The following CFAP221 variants were observed in gnomAD, a reference collection of about 807,000 sequenced individuals.
CFAP221 encodes the protein cilia and flagella associated protein 221, also known as cilia- and flagella-associated protein 221.
Under a neutral mutation model 113.1 loss-of-function variants are expected in CFAP221, and 97 were observed. The observed-to-expected ratio is 0.86, with a 90% CI of 0.73 to 1.02. The LOEUF (loss-of-function observed/expected upper bound fraction) is 1.02, where lower values mean the gene tolerates loss of function less well. Among genes scored for constraint, CFAP221 ranks in the 50% least tolerant of loss-of-function variants. The pLI is 0.00. For synonymous variants in CFAP221, 331 were observed against 354.4 expected, an observed-to-expected ratio of 0.93 and a Z score of 0.74; for missense variants, 1,025 against 1,013.4, an observed-to-expected ratio of 1.01 and a Z score of -0.16.
Position 119,559,944 on chromosome 2 carries a change from C to T in CFAP221, c.344C>T (p.Pro115Leu). The T allele has an allele frequency of 6.5e-7, 1 of 1,535,838 alleles. No individual in the cohort carries two copies. Among genetic ancestry groups the T allele is most frequent in the South Asian group, 1.2e-5 (1 of 84,040 alleles). ...GTCTTCCAGGAACACCACCTGGTCC[C>T]TGGCTTGTCCCTCACGGTCACCGTT... ...NYVRKEHHLV[P>L]GLSLTVTVTF... The change falls in exon 5 of 24, where the codon CCT becomes CTT. Residue 115 changes from proline to leucine, a missense_variant. Coordinates refer to ENST00000413369, the MANE Select transcript of CFAP221 (RefSeq NM_001271049.2).
downstream of CFAP221, among the ~76,000 whole-genome samples, chr2:119,659,045 A>G (rs371351549): frequency 4.6e-5 from 7 of 151,304 alleles, no homozygotes; most frequent in East Asian, 1.2e-3. Context: ...GATGCTTCCA[A>G]TTCCAGTCCA....
At chr2:119,607,285 C>T (rs996660000) in intron 11 of CFAP221, among the ~76,000 whole-genome samples, 9 of 152,178 alleles carry the variant, frequency 5.9e-5, no homozygotes, top group Non-Finnish European at 7.3e-5. Context: ...AGTCCCCACA[C>T]CCGGCCCATA....
At chr2:119,626,134 A>C (rs1686295202) in intron 15 of CFAP221, among the ~76,000 whole-genome samples, 1 of 151,288 alleles carries the variant, frequency 6.6e-6, no homozygotes, top group Admixed American at 6.6e-5. Context: ...TCCCCACATG[A>C]CTCTAACCTC....
At chr2:119,607,657 A>G (rs537277948) in intron 11 of CFAP221, among the ~76,000 whole-genome samples, 1 of 152,236 alleles carries the variant, frequency 6.6e-6, no homozygotes, top group East Asian at 1.9e-4. Flanking sequence ...CCCATTATCA[A>G]TCACTCCCCA....
chr2:119,641,456 A>G (rs904238930), intron 21 of CFAP221, among the ~76,000 whole-genome samples: 1 of 152,186 alleles, frequency 6.6e-6, no homozygotes, highest in African/African-American at 2.4e-5. Context: ...GAACAATGGC[A>G]TGGAAGAGAG....
At chr2:119,628,619 A>G (rs1440239023) in intron 16 of CFAP221, among the ~76,000 whole-genome samples, 4 of 152,224 alleles carry the variant, frequency 2.6e-5, no homozygotes, top group Admixed American at 2.6e-4. Flanking sequence ...TCAAATCAAT[A>G]TTGCAAGTGC....
chr2:119,638,154 T>G, intron 19 of CFAP221, 105 bp from the exon 20 acceptor site: 1 of 1,195,424 alleles, frequency 8.4e-7, no homozygotes, highest in Non-Finnish European at 1.2e-6. Flanking sequence ...AGTCACAGAG[T>G]GTTAGTGCTA....
chr2:119,656,295 C>G, intron 23 of CFAP221, 67 bp from the exon 24 acceptor site: 1 of 1,261,682 alleles, frequency 7.9e-7, no homozygotes, highest in African/African-American at 1.5e-5. Context: ...GCACTGCTGG[C>G]GGGGGGTGAT....
chr2:119,586,396 T>C (rs1398934199), intron 6 of CFAP221, among the ~76,000 whole-genome samples: 2 of 152,066 alleles, frequency 1.3e-5, no homozygotes, highest in East Asian at 3.9e-4. Context: ...ATGGGAAGCA[T>C]GGGGCACTCC....
chr2:119,626,046 C>A (rs1027281653), intron 15 of CFAP221, among the ~76,000 whole-genome samples: 1 of 152,194 alleles, frequency 6.6e-6, no homozygotes, highest in Non-Finnish European at 1.5e-5. Context: ...GCGCTCCCCC[C>A]AGGGGTTTCA....
rs994343060 is a variant in CFAP221 at position 119,562,073 on chromosome 2, T to C, written c.486T>C (p.Phe162=). The C allele has an allele frequency of 6.5e-6, 10 of 1,535,138 alleles. No homozygotes were observed. The highest frequency in any genetic ancestry group is 2.0e-5 in the Admixed American group (1 of 50,848). ...HAYPVMNSLD[F]PSFINLSNVL... ...ATCCAGTCATGAACTCACTAGACTT[T>C]CCTTCATTTATAAATCTGTCAAATG... Residue 162 remains phenylalanine (F), a synonymous_variant, in exon 6 of 24, where the codon TTT becomes TTC. Transcript: ENST00000413369.
At chr2:119,630,979 A>T in intron 19 of CFAP221, 78 bp downstream of exon 19, 1 of 1,515,776 alleles carries the variant, frequency 6.6e-7, no homozygotes, top group South Asian at 1.3e-5. Flanking sequence ...CAGAGCACTC[A>T]TTGGGAATAT....
chr2:119,627,669 A>AT lies in CFAP221; in HGVS notation c.1535dup (p.Phe513LeufsTer9). 1 of 1,613,330 alleles carries AT rather than the reference A, an allele frequency of 6.2e-7. No individual in the cohort carries two copies. Among genetic ancestry groups the AT allele is most frequent in the Non-Finnish European group, 8.5e-7 (1 of 1,179,796 alleles). The stretch of plus-strand genomic sequence containing the variant: ...CACCCATAGAGGCGAATTTCTTCAA[A>AT]TTCTTCCTGAGGCGGATCAGTCAGG... On this transcript the variant is annotated frameshift_variant, in exon 16 of 24. Transcript: ENST00000413369. LOFTEE classifies it high-confidence loss of function.
At chr2:119,563,026 T>C (rs1455057976) in intron 6 of CFAP221, among the ~76,000 whole-genome samples, 2 of 152,144 alleles carry the variant, frequency 1.3e-5, no homozygotes, top group Admixed American at 1.3e-4. Flanking sequence ...TGGTGATGTG[T>C]GCCTGTAGTC....
intron 3 of CFAP221, among the ~76,000 whole-genome samples, chr2:119,554,265 A>C (rs1446129885): frequency 6.6e-6 from 1 of 152,238 alleles, no homozygotes; most frequent in African/African-American, 2.4e-5. Flanking sequence ...AACATTTCAG[A>C]TCAATCCAGA....
intron 7 of CFAP221, chr2:119,589,789 G>C (rs1426899535): frequency 6.6e-6 from 1 of 152,222 alleles, no homozygotes; most frequent in East Asian, 1.9e-4. Flanking sequence ...ACCTGCTGTT[G>C]TTGGGGGCCA....
At chr2:119,637,264 C>CA (rs1488163525) in intron 19 of CFAP221, among the ~76,000 whole-genome samples, 1 of 152,200 alleles carries the variant, frequency 6.6e-6, no homozygotes, top group Non-Finnish European at 1.5e-5. Context: ...CCCAGGCCCT[C>CA]ATCCTGGCCC....
intron 21 of CFAP221, among the ~76,000 whole-genome samples, chr2:119,641,955 A>G (rs1419607236): frequency 1.3e-5 from 2 of 152,224 alleles, no homozygotes; most frequent in Non-Finnish European, 2.9e-5. Context: ...TTGAGAATCA[A>G]GAAAAAGCAT....
chr2:119,623,732 A>G (rs1465073376), intron 14 of CFAP221, among the ~76,000 whole-genome samples: 1 of 152,226 alleles, frequency 6.6e-6, no homozygotes, highest in Non-Finnish European at 1.5e-5. Context: ...CAACCATCTG[A>G]TATTTGACAA....
Sources: allele counts gnomAD v4.1 joint callset (sites outside exome capture counted in the v4.1 genomes callset), GRCh38; gene constraint gnomAD v4.1.1; transcripts MANE v1.5; gene names NCBI Gene and HGNC (gene_info 2026-07-23, HGNC 2026-07-21).